STRN3: variants seen among roughly 807,000 people sequenced by gnomAD.
The protein encoded by STRN3 is striatin 3.
Under a neutral mutation model 95.6 loss-of-function variants are expected in STRN3, and 29 were observed. The observed-to-expected ratio is 0.30, with a 90% CI of 0.23 to 0.41. The LOEUF (loss-of-function observed/expected upper bound fraction) is 0.41. Among genes scored for constraint, STRN3 ranks in the 10% least tolerant of loss-of-function variants. The pLI, the probability that STRN3 is intolerant of heterozygous loss-of-function variation, is 1.00. For missense variants in STRN3, 890 were observed against 972.1 expected (o/e 0.92, Z 1.12); for synonymous variants, 331 against 357.6 (o/e 0.93, Z 0.84).
chr14:30,918,013 A>G (rs1280245573), intron 9 of STRN3, among the ~76,000 whole-genome samples: 2 of 152,186 alleles, frequency 1.3e-5, no homozygotes, highest in Admixed American at 6.5e-5. Context: ...GTATACCCAT[A>G]TATCTTCGGC....
chr14:30,989,261 T>C (rs953288784), intron 1 of STRN3, among the ~76,000 whole-genome samples: 4 of 152,138 alleles, frequency 2.6e-5, no homozygotes, highest in African/African-American at 9.7e-5. Context: ...GACTACCTTC[T>C]TCACCGTGAA....
At chr14:31,011,955 G>A (rs564641977) in intron 1 of STRN3, among the ~76,000 whole-genome samples, 2 of 152,226 alleles carry the variant, frequency 1.3e-5, no homozygotes, top group South Asian at 2.1e-4. Context: ...GGTGGCAGGC[G>A]CCTGTAATCC....
chr14:30,974,436 A>G (rs941222628), intron 1 of STRN3, among the ~76,000 whole-genome samples: 1 of 149,380 alleles, frequency 6.7e-6, no homozygotes, highest in Non-Finnish European at 1.5e-5. Context: ...AATGAAACAT[A>G]TCTCATGTTA....
chr14:31,014,200 T>C (rs974390896), intron 1 of STRN3, among the ~76,000 whole-genome samples: 2 of 151,794 alleles, frequency 1.3e-5, no homozygotes, highest in Admixed American at 6.6e-5. Context: ...CCTGTAAGTG[T>C]CCTGAAAGTG....
At chr14:30,956,028 C>T (rs565201128) in intron 2 of STRN3, 111 bp downstream of exon 2, 23 of 793,596 alleles carry the variant, frequency 2.9e-5, no homozygotes, top group Middle Eastern at 3.4e-4. Flanking sequence ...ATCATGTATT[C>T]GGGCAAGGAT....
At chr14:31,018,643 T>C in intron 1 of STRN3, 1 of 482,340 alleles carries the variant, frequency 2.1e-6, no homozygotes, top group East Asian at 6.0e-5. Context: ...GCAAGAACTT[T>C]GCGGACAAAA....
At chr14:30,905,200 C>T (rs928825324) in intron 15 of STRN3, among the ~76,000 whole-genome samples, 2 of 152,088 alleles carry the variant, frequency 1.3e-5, no homozygotes, top group African/African-American at 4.8e-5. Context: ...TCATATTGCT[C>T]TAGACATTCC....
At chr14:30,962,628 AG>A (rs1263253990) in intron 1 of STRN3, among the ~76,000 whole-genome samples, 1 of 152,100 alleles carries the variant, frequency 6.6e-6, no homozygotes. Flanking sequence ...CAACCTCCCT[AG>A]GTTCAGGTGA....
chr14:30,933,862 ATG>A (rs1050264749), intron 7 of STRN3, among the ~76,000 whole-genome samples: 24 of 152,202 alleles, frequency 1.6e-4, no homozygotes, highest in Non-Finnish European at 3.1e-4. Context: ...TAGTCAATAA[ATG>A]TATTACATAT....
chr14:30,957,452 CA>C (rs1307806856), intron 1 of STRN3, among the ~76,000 whole-genome samples: 2 of 62,582 alleles, frequency 3.2e-5, no homozygotes, highest in Admixed American at 1.6e-4. Context: ...GACTCCATTT[CA>C]AAAAAAAAAA....
At position 30,895,320 on chromosome 14, in the gene STRN3, G is replaced by A. The variant is rs553458693; in HGVS notation, c.*91C>T. On this transcript the variant is annotated 3_prime_UTR_variant, in exon 18 of 18. Coordinates refer to ENST00000357479, the MANE Select transcript of STRN3 (RefSeq NM_001083893.2). The stretch of plus-strand genomic sequence containing the variant: ...ATAGCCTTCACCAGGCAGATCACAT[G>A]TAGTGTCATATCAGTAACCTTTCTG... 3.8e-5 allele frequency: 51 copies of A among 1,328,736 alleles called. No homozygotes were observed. Among genetic ancestry groups the A allele is most frequent in the Middle Eastern group, 1.9e-4 (1 of 5,300 alleles). The allele number at this position is 1,328,736 out of a possible 1,614,324, so 82.3% of individuals were successfully genotyped here. A position where few individuals can be genotyped will look rare whatever the true frequency, so the allele number is the denominator to read the frequency against.
intron 4 of STRN3, among the ~76,000 whole-genome samples, chr14:30,948,128 T>C (rs1223446885): frequency 6.6e-6 from 1 of 152,164 alleles, no homozygotes; most frequent in Non-Finnish European, 1.5e-5. Context: ...GTAGAATGAA[T>C]AAACAAGTAA....
At chr14:30,968,384 T>TAAA (rs71112364) in intron 1 of STRN3, among the ~76,000 whole-genome samples, 3 of 136,804 alleles carry the variant, frequency 2.2e-5, no homozygotes, top group Admixed American at 1.5e-4. Context: ...TTAACTGGTT[T>TAAA]AAAAAAAAAA....
intron 10 of STRN3, 39 bp downstream of exon 10, chr14:30,913,485 A>G: frequency 1.3e-6 from 2 of 1,536,414 alleles, no homozygotes; most frequent in Non-Finnish European, 8.7e-7. Flanking sequence ...GGAGCCTTCT[A>G]TTAAATCATT....
At chr14:30,943,341 A>C (rs1879184482) in intron 5 of STRN3, among the ~76,000 whole-genome samples, 1 of 152,152 alleles carries the variant, frequency 6.6e-6, no homozygotes, top group East Asian at 1.9e-4. Flanking sequence ...TTAGCACTTT[A>C]GGAGGCTGAG....
chr14:30,906,571 C>T (rs750331785), intron 14 of STRN3, among the ~76,000 whole-genome samples: 21 of 151,970 alleles, frequency 1.4e-4, no homozygotes, highest in African/African-American at 2.2e-4. Context: ...GTGGGGTAGT[C>T]GTCTGGAACA....
chr14:31,024,758 G>A (rs1883706589), intron 1 of STRN3, among the ~76,000 whole-genome samples: 1 of 152,124 alleles, frequency 6.6e-6, no homozygotes, highest in Non-Finnish European at 1.5e-5. Flanking sequence ...ATATATGACA[G>A]CAAATACTGC....
intron 1 of STRN3, among the ~76,000 whole-genome samples, chr14:30,981,477 T>C (rs1393209612): frequency 3.9e-5 from 6 of 152,028 alleles, no homozygotes; most frequent in Admixed American, 6.6e-5. Flanking sequence ...CAGCAAACCA[T>C]TGACATTTTA....
At chr14:30,914,112 G>A (rs532069354) in intron 9 of STRN3, among the ~76,000 whole-genome samples, 7 of 152,260 alleles carry the variant, frequency 4.6e-5, no homozygotes, top group Admixed American at 3.9e-4. Context: ...TTGTCACCAA[G>A]TCCTTTTGCT....
Sources: allele counts gnomAD v4.1 joint callset (sites outside exome capture counted in the v4.1 genomes callset), GRCh38; gene constraint gnomAD v4.1.1; transcripts MANE v1.5; gene names NCBI Gene and HGNC (gene_info 2026-07-23, HGNC 2026-07-21).